The following SYNE1 variants were observed in gnomAD, a reference collection of about 807,000 sequenced individuals.
SYNE1 encodes the protein nesprin-1.
SYNE1 carries 616 observed loss-of-function variants against 1,111.0 expected under a neutral mutation model. The ratio of observed to expected loss-of-function variants is 0.55; its 90% CI spans 0.52 to 0.59. The LOEUF (loss-of-function observed/expected upper bound fraction) is 0.59, where lower values mean the gene tolerates loss of function less well. Ranked by LOEUF, SYNE1 falls within the 20% of genes least tolerant of loss-of-function variation. The pLI is 0.00. For missense variants in SYNE1, 10,006 were observed against 10,417.0 expected (o/e 0.96, Z 1.72); for synonymous variants, 3,855 against 3,825.8 (o/e 1.01, Z -0.28).
At chr6:152,504,715 C>G (rs1359649704) in intron 9 of SYNE1, among the ~76,000 whole-genome samples, 1 of 152,184 alleles carries the variant, frequency 6.6e-6, no homozygotes, top group Non-Finnish European at 1.5e-5. Context: ...TCCAAAAAGT[C>G]TTAGCACTCA....
Position 152,331,713 on chromosome 6 carries a change from A to G in SYNE1, c.12972T>C (p.Arg4324=), listed in dbSNP as rs1337366474. ...TAATGAGGTCCTCAAGCTGAAACCA[A>G]CGTTGCTCTAAATGACTCGTCTGTT... is the stretch of plus-strand genomic sequence containing the variant. ...VKEQTSHLEQ[R]WFQLEDLIKR... The change falls in exon 78 of 146, where the codon CGT becomes CGC. Residue 4324 remains arginine (R), a synonymous_variant. Coordinates refer to ENST00000367255, the MANE Select transcript of SYNE1 (RefSeq NM_182961.4). 3 of 1,614,162 alleles carry G rather than the reference A, an allele frequency of 1.9e-6. No homozygotes were observed. The highest frequency in any genetic ancestry group is 2.5e-6 in the Non-Finnish European group (3 of 1,180,032).
chr6:152,179,996 A>T, intron 129 of SYNE1, 140 bp downstream of exon 129: 1 of 997,862 alleles, frequency 1.0e-6, no homozygotes, highest in Non-Finnish European at 1.5e-6. Context: ...AGTTTATTTT[A>T]TATTAAAAAG....
chr6:152,155,425 A>G (rs2061212248), intron 132 of SYNE1: 1 of 314,210 alleles, frequency 3.2e-6, no homozygotes, highest in Admixed American at 4.8e-5. Flanking sequence ...TTTAAGTCCA[A>G]CATTCAACTC....
intron 130 of SYNE1, among the ~76,000 whole-genome samples, chr6:152,173,286 T>A (rs1016288992): frequency 6.6e-6 from 1 of 152,262 alleles, no homozygotes; most frequent in African/African-American, 2.4e-5. Flanking sequence ...CTTTTCTTTT[T>A]TGTTGCTTCT....
At chr6:152,261,327 C>G (rs549421224) in intron 101 of SYNE1, among the ~76,000 whole-genome samples, 1 of 152,166 alleles carries the variant, frequency 6.6e-6, no homozygotes, top group South Asian at 2.1e-4. Flanking sequence ...TTCCTGACTC[C>G]CTCATTTGCC....
intron 127 of SYNE1, among the ~76,000 whole-genome samples, chr6:152,191,767 C>T (rs2813529): frequency 0.39 from 58,779 of 151,690 alleles, 11,469 homozygotes; most frequent in African/African-American, 0.45. Context: ...CTTTAAGCTC[C>T]ATTATTTCTT....
intron 127 of SYNE1, among the ~76,000 whole-genome samples, chr6:152,197,898 C>T (rs796874404): frequency 6.6e-6 from 1 of 152,212 alleles, no homozygotes; most frequent in African/African-American, 2.4e-5. Context: ...TCGAGCCAGG[C>T]ATTGACTTCT....
chr6:152,513,372 G>A (rs1272450146), intron 6 of SYNE1, among the ~76,000 whole-genome samples: 2 of 151,858 alleles, frequency 1.3e-5, no homozygotes, highest in African/African-American at 2.4e-5. Context: ...TTTTAGATTA[G>A]TCTCACTCTG....
intron 64 of SYNE1, among the ~76,000 whole-genome samples, chr6:152,360,604 T>C (rs2096915703): frequency 6.6e-6 from 1 of 152,188 alleles, no homozygotes; most frequent in South Asian, 2.1e-4. Flanking sequence ...TATTACTGAG[T>C]GCATGCATCC....
chr6:152,212,668 A>G (rs1258165236), intron 123 of SYNE1, among the ~76,000 whole-genome samples: 2 of 152,170 alleles, frequency 1.3e-5, no homozygotes, highest in African/African-American at 2.4e-5. Flanking sequence ...TCTGGGTTAT[A>G]TGATTACTCT....
chr6:152,229,266 T>A (rs1049980837), intron 115 of SYNE1, among the ~76,000 whole-genome samples: 1 of 152,218 alleles, frequency 6.6e-6, no homozygotes, highest in Non-Finnish European at 1.5e-5. Flanking sequence ...ACAGTCATAA[T>A]CTGTAACAAT....
At chr6:152,552,131 G>C (rs1365850755) in intron 3 of SYNE1, among the ~76,000 whole-genome samples, 1 of 152,132 alleles carries the variant, frequency 6.6e-6, no homozygotes, top group Non-Finnish European at 1.5e-5. Context: ...GTGTGGAATG[G>C]GGAAAAGGGG....
intron 3 of SYNE1, among the ~76,000 whole-genome samples, chr6:152,597,715 C>A (rs2099585886): frequency 6.6e-6 from 1 of 152,228 alleles, no homozygotes; most frequent in Non-Finnish European, 1.5e-5. Flanking sequence ...TGAATTCTTT[C>A]TTTTGTTGTA....
chr6:152,288,359 GT>G (rs2094436684), intron 95 of SYNE1, among the ~76,000 whole-genome samples: 1 of 152,088 alleles, frequency 6.6e-6, no homozygotes, highest in African/African-American at 2.4e-5. Flanking sequence ...GCAGATTTCT[GT>G]TTTCTGTTTG....
chr6:152,430,024 C>T (rs1278967429), intron 36 of SYNE1, 88 bp downstream of exon 36: 2 of 908,216 alleles, frequency 2.2e-6, no homozygotes, highest in East Asian at 5.3e-5. Context: ...TTTCAATTCT[C>T]TTAAAAAGTT....
At chr6:152,262,479 G>A (rs1160843651) in intron 100 of SYNE1, among the ~76,000 whole-genome samples, 2 of 152,184 alleles carry the variant, frequency 1.3e-5, no homozygotes, top group Non-Finnish European at 2.9e-5. Flanking sequence ...AGTATCCTTT[G>A]GCAAATAGCA....
chr6:152,287,234 T>A (rs556232573), intron 95 of SYNE1, among the ~76,000 whole-genome samples: 1 of 152,380 alleles, frequency 6.6e-6, no homozygotes, highest in East Asian at 1.9e-4. Flanking sequence ...CACATAAACT[T>A]AATTTTCATG....
intron 39 of SYNE1, among the ~76,000 whole-genome samples, chr6:152,423,274 A>G (rs2098296453): frequency 6.6e-6 from 1 of 152,208 alleles, no homozygotes; most frequent in Admixed American, 6.5e-5. Context: ...TCAATATGGC[A>G]TATATTCTGT....
intron 100 of SYNE1, 92 bp downstream of exon 100, chr6:152,267,964 T>C (rs374333072): frequency 1.5e-5 from 17 of 1,124,118 alleles, no homozygotes; most frequent in African/African-American, 1.4e-4. Flanking sequence ...TTGCAGAAGA[T>C]GTTTAAAATA....
Sources: allele counts gnomAD v4.1 joint callset (sites outside exome capture counted in the v4.1 genomes callset), GRCh38; gene constraint gnomAD v4.1.1; transcripts MANE v1.5; gene names NCBI Gene and HGNC (gene_info 2026-07-23, HGNC 2026-07-21).